PNKP: variants seen among roughly 807,000 people sequenced by gnomAD.
PNKP encodes bifunctional polynucleotide phosphatase/kinase.
PNKP carries 82 observed loss-of-function variants against 66.2 expected under a neutral mutation model. That is an observed-to-expected ratio of 1.24 (90% CI 1.04 to 1.49). PNKP has a LOEUF of 1.49. PNKP is among the 40% of genes most tolerant of loss of function. The pLI, the probability that PNKP is intolerant of heterozygous loss-of-function variation, is 0.00. For synonymous variants in PNKP, 412 were observed against 298.9 expected (o/e 1.38, Z -3.90); for missense variants, 907 against 706.8 (o/e 1.28, Z -3.21).
At position 49,867,091 on chromosome 19, in the gene PNKP, CA is replaced by C. The variant is rs1433969585; in HGVS notation, c.113del (p.Leu38ArgfsTer27). 8 of 1,613,718 alleles carry C rather than the reference CA, an allele frequency of 5.0e-6. No homozygotes were observed. The highest frequency in any genetic ancestry group is 1.1e-5 in the South Asian group (1 of 91,088). ...GQALVLGRGPLTQVTDRKCSR... is the reference protein window; with the variant it reads ...GQALVLGRGPXTQVTDRKCSR... The stretch of plus-strand genomic sequence containing the variant: ...AGCACTTCCGGTCCGTAACCTGGGT[CA>C]GGGGTCCCCTGCCCAGGACCAGGGC... On this transcript the variant is annotated frameshift_variant, in exon 2 of 17. Coordinates refer to ENST00000322344, the MANE Select transcript of PNKP (RefSeq NM_007254.4). LOFTEE classifies it high-confidence loss of function.
At chr19:49,861,919 C>G in intron 13 of PNKP, 38 bp from the exon 14 acceptor site, 1 of 1,583,298 alleles carries the variant, frequency 6.3e-7, no homozygotes, top group Non-Finnish European at 8.6e-7. Flanking sequence ...TCGGCAGACC[C>G]AGGGGGAGAG....
Position 49,861,763 on chromosome 19 carries a change from TCACGC to T in PNKP, c.1298+4_1298+8del. 1 of 1,565,462 alleles carries T rather than the reference TCACGC, an allele frequency of 6.4e-7. No individual in the cohort carries two copies. Among genetic ancestry groups the T allele is most frequent in the Non-Finnish European group, 8.7e-7 (1 of 1,155,808 alleles). On this transcript the variant is annotated splice_donor_5th_base_variant and intron_variant, in intron 14 of 16. Coordinates refer to ENST00000322344, the MANE Select transcript of PNKP (RefSeq NM_007254.4). The stretch of plus-strand genomic sequence containing the variant: ...CCGCAGGCCACCTACGGCCCCGCGG[TCACGC>T]TACCTGGCGCGGCTCGCGGCGTCTG...
In PNKP at chr19:49,863,967, G is replaced by A. The variant is rs767980504; in HGVS notation, c.741C>T (p.Phe247=). 5.0e-6 allele frequency: 8 copies of A among 1,611,778 alleles called. No individual in the cohort carries two copies. The highest frequency in any genetic ancestry group is 1.3e-5 in the African/African-American group (1 of 74,894). The change falls in exon 7 of 17, where the codon TTC becomes TTT. Residue 247 remains phenylalanine, a synonymous_variant. Coordinates refer to ENST00000322344, the MANE Select transcript of PNKP (RefSeq NM_007254.4). ...EAVVEKLGVP[F]QVLVATHAGL... ...CCAGCCTCCCTTCCAGCCATACCTG[G>A]AAGGGGACCCCCAGCTTCTCCACCA...
In PNKP at chr19:49,861,205, C is replaced by G. The variant is rs202061196; in HGVS notation, c.*43G>C. The G allele has an allele frequency of 1.4e-6, 2 of 1,382,384 alleles. No individual in the cohort carries two copies. Among genetic ancestry groups the G allele is most frequent in the Non-Finnish European group, 2.1e-6 (2 of 970,016 alleles). The allele number at this position is 1,382,384 out of a possible 1,614,324, so 85.6% of individuals were successfully genotyped here. On this transcript the variant is annotated 3_prime_UTR_variant, in exon 17 of 17. Coordinates refer to ENST00000322344, the MANE Select transcript of PNKP (RefSeq NM_007254.4). ...CTTCCAGCAAAATGCCGGCCAAGCT[C>G]AAGGAGAAACAGCGTTTATTGTGGA... is the stretch of plus-strand genomic sequence containing the variant.
At position 49,865,110 on chromosome 19, in the gene PNKP, C is replaced by G; in HGVS notation, c.498+17G>C. The G allele has an allele frequency of 6.2e-7, 1 of 1,611,054 alleles. No individual in the cohort carries two copies. Among genetic ancestry groups the G allele is most frequent in the African/African-American group, 1.3e-5 (1 of 75,020 alleles). On this transcript the variant is annotated intron_variant, in intron 4 of 16. Transcript: ENST00000322344. ...CCAGTCTGTGGCGGCTCCCTCAGCC[C>G]TCGGCGTGGCCCTCACCTTGCCCTG...
In PNKP at chr19:49,864,246, G is replaced by T. The variant is rs755931733; in HGVS notation, c.579-10C>A. 54 of 1,614,080 alleles carry T rather than the reference G, an allele frequency of 3.3e-5. 1 individual carries two copies. The East Asian group carries it at 1.2e-3, about 36-fold the overall frequency. ...CTCTGGGTACAAGATCCTACGGCAGGTATGAAGCGGCAGGGGTGACCCGGG... is the reference window on the plus strand; with the variant it reads ...CTCTGGGTACAAGATCCTACGGCAGTTATGAAGCGGCAGGGGTGACCCGGG... On this transcript the variant is annotated splice_polypyrimidine_tract_variant and intron_variant, in intron 5 of 16. Coordinates refer to ENST00000322344, the MANE Select transcript of PNKP (RefSeq NM_007254.4).
chr19:49,865,347 AGT>A lies in PNKP; in HGVS notation c.276_277del (p.Leu93ValfsTer36). 6.2e-7 allele frequency: 1 copy of A among 1,613,808 alleles called. No homozygotes were observed. The highest frequency in any genetic ancestry group is 8.5e-7 in the Non-Finnish European group (1 of 1,179,812). On this transcript the variant is annotated frameshift_variant, in exon 4 of 17. Transcript: ENST00000322344. LOFTEE classifies it high-confidence loss of function. ...TGGGTGGAGGCCATTGACCAAATACAGTGTGTCCCCCACCCCCAGAGAGCCCT... is the reference window on the plus strand; with the variant it reads ...TGGGTGGAGGCCATTGACCAAATACAGTGTCCCCCACCCCCAGAGAGCCCT...
At chr19:49,865,734 T>C (rs1371008799) in intron 3 of PNKP, among the ~76,000 whole-genome samples, 1 of 150,090 alleles carries the variant, frequency 6.7e-6, no homozygotes, top group Non-Finnish European at 1.5e-5. Context: ...CTGCCTCAGC[T>C]ACCCGAGTAG....
rs1478633124 is a variant in PNKP at position 49,861,660 on chromosome 19, C to T, written c.1334G>A (p.Cys445Tyr). Reference protein sequence around the residue: ...VQCARAAGVPCRCFLFTATLE... With the variant: ...VQCARAAGVPYRCFLFTATLE... Reference sequence around the variant, plus strand: ...AGTGGCGGTGAAGAGGAAGCAGCGGCAGGGGACGCCCGCGGCTCGGGCACA... The same window carrying T: ...AGTGGCGGTGAAGAGGAAGCAGCGGTAGGGGACGCCCGCGGCTCGGGCACA... Residue 445 changes from cysteine (C) to tyrosine (Y), a missense_variant, in exon 15 of 17, where the codon TGC becomes TAC. Coordinates refer to ENST00000322344, the MANE Select transcript of PNKP (RefSeq NM_007254.4). The T allele has an allele frequency of 6.5e-7, 1 of 1,550,162 alleles. No individual in the cohort carries two copies. The highest frequency in any genetic ancestry group is 8.7e-7 in the Non-Finnish European group (1 of 1,147,018).
intron 8 of PNKP, 23 bp downstream of exon 8, chr19:49,863,666 G>T: frequency 3.2e-6 from 5 of 1,538,718 alleles, no homozygotes; most frequent in Non-Finnish European, 4.4e-6. Flanking sequence ...AAGGAGGGGG[G>T]CCGGGCAGGC....
In PNKP at chr19:49,863,622, G is replaced by A. The variant is rs532520474; in HGVS notation, c.816+67C>T. 194 of 1,233,038 alleles carry A rather than the reference G, an allele frequency of 1.6e-4. 1 individual carries two copies. The highest frequency in any genetic ancestry group is 5.5e-4 in the Admixed American group (28 of 50,544). The allele number at this position is 1,233,038 out of a possible 1,614,324, so 76.4% of individuals were successfully genotyped here. ...AGTAAGGAGGCCCCAACCGGAGGCC[G>A]GGGAGCCCAGGAGTGAGGGGCTGGA... On this transcript the variant is annotated intron_variant, in intron 8 of 16. Coordinates refer to ENST00000322344, the MANE Select transcript of PNKP (RefSeq NM_007254.4).
At chr19:49,867,407 C>T in intron 1 of PNKP, 62 bp downstream of exon 1, 1 of 620,802 alleles carries the variant, frequency 1.6e-6, no homozygotes, top group South Asian at 1.9e-5. Context: ...GAGTTGCAAT[C>T]CCCACTTTCC....
chr19:49,863,625 G>C (rs2074796448), intron 8 of PNKP, 64 bp downstream of exon 8: 7 of 1,261,152 alleles, frequency 5.6e-6, no homozygotes, highest in Admixed American at 2.0e-5. Context: ...GGAGGCCGGG[G>C]AGCCCAGGAG....
At chr19:49,861,917 C>G in intron 13 of PNKP, 36 bp from the exon 14 acceptor site, 1 of 1,581,836 alleles carries the variant, frequency 6.3e-7, no homozygotes, top group Non-Finnish European at 8.6e-7. Flanking sequence ...GATCGGCAGA[C>G]CCAGGGGGAG....
At chr19:49,866,753 T>C (rs139027819) in intron 2 of PNKP, 1 of 592,192 alleles carries the variant, frequency 1.7e-6, no homozygotes, top group East Asian at 2.8e-5. Flanking sequence ...GACATTTACT[T>C]TTCTCCACAG....
rs559767642 is a variant in PNKP at position 49,865,595 on chromosome 19, C to T, written c.199-169G>A. ...AACGGTTACAGGTTTTCAGCCTTGT[C>T]CGAATCTTTTTTTTTTTTTTTTTTT... On this transcript the variant is annotated intron_variant, in intron 3 of 16. Coordinates refer to ENST00000322344, the MANE Select transcript of PNKP (RefSeq NM_007254.4). 6.3e-5 allele frequency: 35 copies of T among 556,776 alleles called. No individual in the cohort carries two copies. The East Asian group carries it at 8.3e-4, about 13-fold the overall frequency. 34.5% of individuals were successfully genotyped at this position (556,776 alleles called of 1,614,324 possible). A position where few individuals can be genotyped will look rare whatever the true frequency, so the allele number is the denominator to read the frequency against.
rs1386585563 is a variant in PNKP, at chr19:49,865,282, G to A, written c.343C>T (p.Gln115Ter). The A allele has an allele frequency of 1.1e-5, 17 of 1,614,224 alleles. No individual in the cohort carries two copies. The highest frequency in any genetic ancestry group is 1.4e-5 in the Non-Finnish European group (17 of 1,180,034). ...RWEETRTPES[Q>*]PDTPPGTPLV... ...GGGGTGCCAGGCGGAGTATCTGGCTGGGATTCTGGTGTGCGGGTCTCTTCC... is the reference window on the plus strand; with the variant it reads ...GGGGTGCCAGGCGGAGTATCTGGCTAGGATTCTGGTGTGCGGGTCTCTTCC... The change falls in exon 4 of 17, where the codon CAG becomes TAG. Residue 115 changes from glutamine (Q) to a stop codon, truncating the protein, a stop_gained. Transcript: ENST00000322344. LOFTEE classifies it high-confidence loss of function.
At chr19:49,864,863 C>T (rs927597381) in intron 4 of PNKP, among the ~76,000 whole-genome samples, 56 of 152,190 alleles carry the variant, frequency 3.7e-4, no homozygotes, top group African/African-American at 1.3e-3. Context: ...TCAAGTCTCT[C>T]TGGACATAAA....
rs1215859117 is a variant in PNKP, at chr19:49,862,692, C to T, written c.863G>A (p.Gly288Glu). 3.7e-6 allele frequency: 6 copies of T among 1,614,014 alleles called. No homozygotes were observed. Among genetic ancestry groups the T allele is most frequent in the Admixed American group, 3.3e-5 (2 of 60,010 alleles). Residue 288 changes from glycine to glutamate, a missense_variant and splice_region_variant, in exon 9 of 17, where the codon GGA becomes GAA. Coordinates refer to ENST00000322344, the MANE Select transcript of PNKP (RefSeq NM_007254.4). ...CTCAGCAGCCTCCAGGCCCTTACCT[C>T]CCACAAAGATGCTGTCCCCGATGGA... Reference protein sequence around the residue: ...PISIGDSIFVGDAAGRPANWA... With the variant: ...PISIGDSIFVEDAAGRPANWA...
Sources: allele counts gnomAD v4.1 joint callset (sites outside exome capture counted in the v4.1 genomes callset), GRCh38; gene constraint gnomAD v4.1.1; transcripts MANE v1.5; gene names NCBI Gene and HGNC (gene_info 2026-07-23, HGNC 2026-07-21).